PPARGC1A: variants seen among roughly 807,000 people sequenced by gnomAD.
PPARGC1A encodes PPARG coactivator 1 alpha.
In PPARGC1A, 25 loss-of-function variants were observed where a neutral mutation model predicts 88.7. The observed-to-expected ratio is 0.28, with a 90% confidence interval of 0.21 to 0.39. The LOEUF is 0.39. Ranked by LOEUF, PPARGC1A falls within the 10% of genes least tolerant of loss-of-function variation. The pLI, the probability that PPARGC1A is intolerant of heterozygous loss-of-function variation, is 1.00. For missense variants in PPARGC1A, 880 were observed against 968.7 expected (o/e 0.91, Z 1.22); for synonymous variants, 363 against 355.6 (o/e 1.02, Z -0.24).
At chr4:24,315,422 T>C in the PPARGC1A span, among the ~76,000 whole-genome samples, 11 of 152,194 alleles carry the variant, frequency 7.2e-5, no homozygotes, top group Non-Finnish European at 1.6e-4. Flanking sequence ...TGGTGTTTTA[T>C]GCATAGCGTT....
At chr4:24,089,491 TTTTC>T in the PPARGC1A span, among the ~76,000 whole-genome samples, 1 of 87,576 alleles carries the variant, frequency 1.1e-5, no homozygotes, top group Non-Finnish European at 2.4e-5. Context: ...TTTTCTTTTC[TTTTC>T]TTTTCTTTTC....
intron 2 of PPARGC1A, among the ~76,000 whole-genome samples, chr4:23,878,816 G>A (rs1560500674): frequency 6.6e-6 from 1 of 152,156 alleles, no homozygotes; most frequent in African/African-American, 2.4e-5. Context: ...TTTATACCCA[G>A]AATTTGGAAT....
chr4:24,210,727 T>C, the PPARGC1A span, among the ~76,000 whole-genome samples: 17 of 152,348 alleles, frequency 1.1e-4, no homozygotes, highest in African/African-American at 4.1e-4. Context: ...TGCTTGATCA[T>C]CTACAATTCC....
At chr4:24,102,172 G>A in the PPARGC1A span, among the ~76,000 whole-genome samples, 2 of 152,152 alleles carry the variant, frequency 1.3e-5, no homozygotes, top group Non-Finnish European at 2.9e-5. Context: ...ACCTTCAGTG[G>A]GTGCCACTAA....
At chr4:24,466,971 A>AGGG in the PPARGC1A span, among the ~76,000 whole-genome samples, 1 of 104,560 alleles carries the variant, frequency 9.6e-6, no homozygotes, top group Non-Finnish European at 2.0e-5. Context: ...AAAGAAAGAA[A>AGGG]GAGAAAGAAA....
At chr4:24,359,609 T>C in the PPARGC1A span, among the ~76,000 whole-genome samples, 206 of 152,290 alleles carry the variant, frequency 1.4e-3, 3 homozygotes, top group East Asian at 0.033. Context: ...TCTTTGCAGA[T>C]AGAATCAAGT....
chr4:24,090,979 T>C, the PPARGC1A span, among the ~76,000 whole-genome samples: 1 of 152,222 alleles, frequency 6.6e-6, no homozygotes, highest in African/African-American at 2.4e-5. Flanking sequence ...CTTCTACCTA[T>C]TATGAGTTCA....
chr4:23,931,885 T>A, the PPARGC1A span, among the ~76,000 whole-genome samples: 1 of 152,178 alleles, frequency 6.6e-6, no homozygotes. Flanking sequence ...CTTACCATGG[T>A]GTGACCTCAG....
chr4:24,411,807 C>T, the PPARGC1A span, among the ~76,000 whole-genome samples: 1 of 152,112 alleles, frequency 6.6e-6, no homozygotes, highest in African/African-American at 2.4e-5. Context: ...CACTTAGTTA[C>T]ATGCATTTAA....
the PPARGC1A span, among the ~76,000 whole-genome samples, chr4:23,947,397 A>ATATATATATAT: frequency 2.2e-3 from 27 of 12,252 alleles, no homozygotes; most frequent in South Asian, 6.7e-3. Context: ...ATATATATAT[A>ATATATATATAT]AAAAAAACGG....
the PPARGC1A span, among the ~76,000 whole-genome samples, chr4:24,188,738 G>C: frequency 2.0e-5 from 3 of 152,022 alleles, no homozygotes; most frequent in Non-Finnish European, 2.9e-5. Flanking sequence ...ACAATATAGT[G>C]GTTGCTCAAA....
chr4:24,002,410 G>C, the PPARGC1A span, among the ~76,000 whole-genome samples: 1 of 152,128 alleles, frequency 6.6e-6, no homozygotes, highest in Non-Finnish European at 1.5e-5. Flanking sequence ...ACAGGTGTGA[G>C]CCACTGCACC....
chr4:24,160,224 AT>A, the PPARGC1A span, among the ~76,000 whole-genome samples: 2 of 152,224 alleles, frequency 1.3e-5, no homozygotes, highest in South Asian at 4.1e-4. Context: ...TTTCACAAAT[AT>A]TCATCGAGAA....
the PPARGC1A span, among the ~76,000 whole-genome samples, chr4:24,123,919 A>C: frequency 1.7e-4 from 26 of 151,330 alleles, no homozygotes; most frequent in Non-Finnish European, 2.7e-4. Context: ...GCAAAAAAAA[A>C]AAAAAACAAA....
the PPARGC1A span, among the ~76,000 whole-genome samples, chr4:24,237,006 T>C: frequency 6.6e-6 from 1 of 152,216 alleles, no homozygotes; most frequent in Non-Finnish European, 1.5e-5. Context: ...CAGGAAATTA[T>C]AGATCTTATT....
At chr4:24,132,034 T>C in the PPARGC1A span, among the ~76,000 whole-genome samples, 1 of 152,210 alleles carries the variant, frequency 6.6e-6, no homozygotes, top group Non-Finnish European at 1.5e-5. Flanking sequence ...CTGGCCATCC[T>C]CTGAATTGGC....
chr4:24,429,651 A>ATT, the PPARGC1A span, among the ~76,000 whole-genome samples: 36,794 of 131,992 alleles, frequency 0.28, 5,463 homozygotes, highest in Non-Finnish European at 0.31. Context: ...GACAGTGAGA[A>ATT]TTTTTTTTTT....
At chr4:23,873,204 AAAAAAT>A (rs1713889175) in intron 2 of PPARGC1A, among the ~76,000 whole-genome samples, 3 of 128,298 alleles carry the variant, frequency 2.3e-5, no homozygotes, top group African/African-American at 1.0e-4. Flanking sequence ...TCTCAAAAAT[AAAAAAT>A]AAAAAATAAA....
the PPARGC1A span, among the ~76,000 whole-genome samples, chr4:24,196,404 T>C: frequency 6.6e-6 from 1 of 152,252 alleles, no homozygotes; most frequent in Non-Finnish European, 1.5e-5. Context: ...CTATTACTTA[T>C]CTTTAAACAT....
Sources: gnomAD v4.1 joint callset for allele counts (sites outside exome capture counted in the v4.1 genomes callset) on GRCh38, gnomAD v4.1.1 for gene constraint, MANE v1.5 for transcripts, NCBI Gene and HGNC (gene_info 2026-07-23, HGNC 2026-07-21) for gene names.